Variants in UTS2B observed in about 807,000 individuals in gnomAD.
UTS2B encodes the protein urotensin 2B, also known as urotensin-2B.
Under a neutral mutation model 19.2 loss-of-function variants are expected in UTS2B, and 21 were observed. That is an observed-to-expected ratio of 1.09 (90% CI 0.78 to 1.58). UTS2B has a LOEUF of 1.58. UTS2B is among the 40% of genes most tolerant of loss of function. The probability of loss-of-function intolerance (pLI) is 0.00; values close to 1 mark genes in which losing one functional copy is unlikely to be tolerated. For synonymous variants in UTS2B, 57 were observed against 50.2 expected, an observed-to-expected ratio of 1.14 and a Z score of -0.58; for missense variants, 138 against 130.3, an observed-to-expected ratio of 1.06 and a Z score of -0.29.
the UTS2B span, among the ~76,000 whole-genome samples, chr3:191,335,795 G>A: frequency 6.6e-6 from 1 of 152,052 alleles, no homozygotes; most frequent in African/African-American, 2.4e-5. Context: ...CAAGTTCAGC[G>A]AATAATTTAC....
intron 1 of UTS2B, 98 bp downstream of exon 1, chr3:191,330,316 C>G (rs550951954): frequency 3.5e-4 from 54 of 153,786 alleles, no homozygotes; most frequent in Non-Finnish European, 6.6e-4. Flanking sequence ...CACACACACA[C>G]ACACACACAC....
chr3:191,317,141 C>T (rs1717482020), intron 2 of UTS2B, among the ~76,000 whole-genome samples: 1 of 152,348 alleles, frequency 6.6e-6, no homozygotes, highest in East Asian at 1.9e-4. Flanking sequence ...TGCAGTACCC[C>T]AGCCCTGCCC....
chr3:191,334,911 A>G (rs972207371), upstream of UTS2B, among the ~76,000 whole-genome samples: 19 of 152,178 alleles, frequency 1.2e-4, no homozygotes, highest in Admixed American at 1.2e-3. Context: ...TGATTCAGCA[A>G]ATGAATTACT....
chr3:191,325,721 C>T (rs189314391), intron 2 of UTS2B, among the ~76,000 whole-genome samples: 51 of 152,176 alleles, frequency 3.4e-4, no homozygotes, highest in Non-Finnish European at 5.1e-4. Context: ...ATGTTGAAGC[C>T]CTAGCCTCCA....
chr3:191,297,220 C>A (rs557787755), intron 4 of UTS2B, among the ~76,000 whole-genome samples: 1 of 152,190 alleles, frequency 6.6e-6, no homozygotes, highest in African/African-American at 2.4e-5. Context: ...CTGTCCTTGG[C>A]CACTTTCTTA....
intron 4 of UTS2B, among the ~76,000 whole-genome samples, chr3:191,291,346 T>C (rs184804945): frequency 6.6e-6 from 1 of 152,328 alleles, no homozygotes; most frequent in Admixed American, 6.5e-5. Context: ...GTGTTTCTTG[T>C]TTTTGAGTAC....
rs1278269483 is a variant in UTS2B at position 191,275,313 on chromosome 3, C to T, written c.273G>A (p.Glu91=). The change falls in exon 8 of 9, where the codon GAG becomes GAA. Residue 91 remains glutamate, a synonymous_variant. Coordinates refer to ENST00000340524, the MANE Select transcript of UTS2B (RefSeq NM_198152.5). ...LEKLKEQLVE[E]KDSETSYAVD... ...CAGCATAGGACGTCTCAGAATCCTT[C>T]TCCTCCACTAGCTGTTCTTTTAGCT... is the stretch of plus-strand genomic sequence containing the variant. The T allele has an allele frequency of 6.2e-7, 1 of 1,613,752 alleles. No homozygotes were observed. Among genetic ancestry groups the T allele is most frequent in the Admixed American group, 1.7e-5 (1 of 60,012 alleles).
rs920488104 is a variant in UTS2B at position 191,313,733 on chromosome 3, T to G, written c.-182+2303A>C. On this transcript the variant is annotated intron_variant, in intron 3 of 8. Transcript: ENST00000340524. ...TGCATTCCTCCACTTTCCTTTTTTT[T>G]TTTTTTTTTTTTTTTGAGATGAGGT... 6.3e-4 allele frequency among the ~76,000 whole-genome samples: 83 copies of G among 132,296 alleles called. 2 individuals carry two copies. The highest frequency in any genetic ancestry group is 2.7e-4 in the Non-Finnish European group (18 of 65,996). 86.8% of individuals were successfully genotyped at this position (132,296 alleles called of 152,430 possible). A position where few individuals can be genotyped will look rare whatever the true frequency, so the allele number is the denominator to read the frequency against.
the UTS2B span, among the ~76,000 whole-genome samples, chr3:191,341,650 G>A: frequency 6.6e-6 from 1 of 152,234 alleles, no homozygotes; most frequent in Admixed American, 6.5e-5. Flanking sequence ...TTCAGCCTTT[G>A]TTGGGAATAG....
the UTS2B span, among the ~76,000 whole-genome samples, chr3:191,338,107 C>T: frequency 6.6e-6 from 1 of 152,136 alleles, no homozygotes; most frequent in African/African-American, 2.4e-5. Flanking sequence ...GTTTTAACTG[C>T]ATATAGTAAA....
chr3:191,332,885 C>T (rs1718037619), upstream of UTS2B, among the ~76,000 whole-genome samples: 1 of 152,202 alleles, frequency 6.6e-6, no homozygotes, highest in Admixed American at 6.5e-5. Flanking sequence ...TGATCGAGGC[C>T]TTTCTAGACA....
chr3:191,322,613 A>G (rs1717639350), intron 2 of UTS2B, among the ~76,000 whole-genome samples: 1 of 152,202 alleles, frequency 6.6e-6, no homozygotes, highest in African/African-American at 2.4e-5. Context: ...AGGAGCAGAA[A>G]ACTATAATAG....
chr3:191,320,645 G>T (rs1717590539), intron 2 of UTS2B, among the ~76,000 whole-genome samples: 1 of 152,248 alleles, frequency 6.6e-6, no homozygotes, highest in Non-Finnish European at 1.5e-5. Context: ...GACCACGGTA[G>T]CAGCAGTCAG....
rs116010848 is a variant in UTS2B, at chr3:191,319,164, A to G, written c.-585-2725T>C. Among the ~76,000 whole-genome samples the G allele has an allele frequency of 2.7e-3, 415 of 152,296 alleles. 4 individuals are homozygous for G. Among genetic ancestry groups the G allele is most frequent in the African/African-American group, 9.6e-3 (400 of 41,562 alleles). ...CCTTGTACTAATCAGTACCTGTGCC[A>G]ATATGTATACTATCCCTAGATATGC... On this transcript the variant is annotated intron_variant, in intron 2 of 8. Coordinates refer to ENST00000340524, the MANE Select transcript of UTS2B (RefSeq NM_198152.5).
intron 8 of UTS2B, chr3:191,273,660 A>G: frequency 2.2e-6 from 1 of 451,556 alleles, no homozygotes; most frequent in Non-Finnish European, 4.5e-6. Flanking sequence ...TACAACTGTT[A>G]ACACCTAATA....
chr3:191,282,106 T>C lies in UTS2B; in HGVS notation c.84A>G (p.Gly28=). The C allele has an allele frequency of 1.9e-6, 3 of 1,613,012 alleles. No individual in the cohort carries two copies. Among genetic ancestry groups the C allele is most frequent in the Non-Finnish European group, 1.7e-6 (2 of 1,179,210 alleles). Residue 28 remains glycine, a synonymous_variant, in exon 5 of 9, where the codon GGA becomes GGG. Coordinates refer to ENST00000340524, the MANE Select transcript of UTS2B (RefSeq NM_198152.5). ...SVLSFLQSVH[G]RPYLTQGNEI... is the part of the protein sequence containing the mutation. The stretch of plus-strand genomic sequence containing the variant: ...ACGTACCTTGGGTAAGATATGGTCG[T>C]CCATGCACAGATTGTAAAAAACTCA...
At chr3:191,288,661 C>T (rs1716622507) in intron 4 of UTS2B, among the ~76,000 whole-genome samples, 2 of 119,284 alleles carry the variant, frequency 1.7e-5, no homozygotes, top group South Asian at 5.5e-4. Context: ...TACTGTAAAT[C>T]TACTGTAAAA....
At chr3:191,270,905 C>T (rs1383443980) in intron 8 of UTS2B, among the ~76,000 whole-genome samples, 1 of 151,816 alleles carries the variant, frequency 6.6e-6, no homozygotes, top group Non-Finnish European at 1.5e-5. Context: ...TTTAGGCCTC[C>T]CAAAAAAAAC....
rs754496307 is a variant in UTS2B at position 191,329,635 on chromosome 3, G to A, written c.-665+779C>T. The A allele has an allele frequency of 3.8e-6, 6 of 1,592,394 alleles. No homozygotes were observed. The Admixed American group carries it at 5.3e-5, about 14-fold the overall frequency. On this transcript the variant is annotated intron_variant, in intron 1 of 8. Transcript: ENST00000340524. ...CCCGCTCGGCGCCGGCGGTGACCGG[G>A]AAGCCCGCGTTAAAGGGGCAACCGG... is the stretch of plus-strand genomic sequence containing the variant.
Sources: allele counts gnomAD v4.1 joint callset (sites outside exome capture counted in the v4.1 genomes callset), GRCh38; gene constraint gnomAD v4.1.1; transcripts MANE v1.5; gene names NCBI Gene and HGNC (gene_info 2026-07-23, HGNC 2026-07-21).